Variants in AURKA observed in about 807,000 individuals in gnomAD.
The protein encoded by AURKA is aurora 2.
A neutral mutation model predicts 40.9 loss-of-function variants in AURKA; 12 were observed. The ratio of observed to expected loss-of-function variants is 0.29; its 90% CI spans 0.19 to 0.48. The LOEUF (loss-of-function observed/expected upper bound fraction) is 0.48. Among genes scored for constraint, AURKA ranks in the 20% least tolerant of loss-of-function variants. AURKA has a pLI of 0.99. For missense variants in AURKA, 322 were observed against 462.1 expected (o/e 0.70, Z 2.78); for synonymous variants, 170 against 164.3 (o/e 1.03, Z -0.26).
intron 6 of AURKA, among the ~76,000 whole-genome samples, chr20:56,376,600 A>G (rs1202702717): frequency 6.6e-6 from 1 of 152,190 alleles, no homozygotes; most frequent in Non-Finnish European, 1.5e-5. Flanking sequence ...CTCCACCAAG[A>G]AACAGAAAAA....
chr20:56,385,569 C>A (rs1371510982), intron 3 of AURKA, among the ~76,000 whole-genome samples: 1 of 151,810 alleles, frequency 6.6e-6, no homozygotes, highest in Non-Finnish European at 1.5e-5. Context: ...TCAAGCCATT[C>A]TCCTGCCTCA....
At chr20:56,374,016 T>TACACACACACACACACACAC (rs11467339) in intron 6 of AURKA, among the ~76,000 whole-genome samples, 7 of 147,508 alleles carry the variant, frequency 4.7e-5, no homozygotes, top group African/African-American at 1.5e-4. Context: ...TATAGGAGTC[T>TACACACACACACACACACAC]ACACACACAC....
At chr20:56,382,911 G>C in intron 5 of AURKA, 74 bp downstream of exon 5, 1 of 1,540,768 alleles carries the variant, frequency 6.5e-7, no homozygotes, top group South Asian at 1.1e-5. Context: ...TGGGCAGTGG[G>C]AGGCTGACAT....
intron 1 of AURKA, among the ~76,000 whole-genome samples, chr20:56,391,539 G>C (rs767761018): frequency 3.3e-5 from 5 of 152,192 alleles, no homozygotes; most frequent in Admixed American, 2.0e-4. Flanking sequence ...CTGATTTACC[G>C]GGCTCTCGGT....
At chr20:56,374,121 C>T (rs1984627239) in intron 6 of AURKA, among the ~76,000 whole-genome samples, 1 of 152,042 alleles carries the variant, frequency 6.6e-6, no homozygotes, top group East Asian at 1.9e-4. Flanking sequence ...TCTGCTAATA[C>T]AGCTGGTGTG....
intron 5 of AURKA, 49 bp downstream of exon 5, chr20:56,382,936 G>T: frequency 6.3e-7 from 1 of 1,595,048 alleles, no homozygotes; most frequent in Non-Finnish European, 8.6e-7. Context: ...GGAGGGGGAG[G>T]GGTGCAGCAT....
At position 56,391,583 on chromosome 20, in the gene AURKA, C is replaced by A. The variant is rs1041544760; in HGVS notation, c.-6+585G>T. On this transcript the variant is annotated intron_variant, in intron 1 of 8. Coordinates refer to ENST00000395915, the MANE Select transcript of AURKA (RefSeq NM_198437.3). ...ATGTTTAACAAGCACTGCAAGTTAT[C>A]CCGGTACAACTGCTCCAAGGTCTAC... Among the ~76,000 whole-genome samples, 4 of 152,152 alleles carry A rather than the reference C, an allele frequency of 2.6e-5. No homozygotes were observed. The East Asian group carries it at 7.7e-4, about 29-fold the overall frequency.
At position 56,386,465 on chromosome 20, in the gene AURKA, T is replaced by C; in HGVS notation, c.111A>G (p.Leu37=). The change falls in exon 3 of 9, where the codon TTA becomes TTG. Residue 37 remains leucine (L), a synonymous_variant. Transcript: ENST00000395915. ...GCTGAGCCTGGCCACTATTTACAGG[T>C]AATGGATTCTGACAAGGAAATTGCT... The part of the protein sequence containing the change: ...VTQQFPCQNP[L]PVNSGQAQRV... The C allele has an allele frequency of 6.2e-7, 1 of 1,614,170 alleles. No homozygotes were observed. The highest frequency in any genetic ancestry group is 8.5e-7 in the Non-Finnish European group (1 of 1,180,012).
At chr20:56,376,223 G>C (rs1292646961) in intron 6 of AURKA, among the ~76,000 whole-genome samples, 2 of 151,942 alleles carry the variant, frequency 1.3e-5, no homozygotes, top group Non-Finnish European at 2.9e-5. Context: ...AAAAACCAAG[G>C]GTAAAATGTG....
At chr20:56,383,619 G>T (rs915994532) in intron 4 of AURKA, among the ~76,000 whole-genome samples, 2 of 152,266 alleles carry the variant, frequency 1.3e-5, no homozygotes, top group African/African-American at 4.8e-5. Context: ...AACCACTCTG[G>T]TGGTGGAGAC....
In AURKA at chr20:56,382,945, A is replaced by G. The variant is rs960802070; in HGVS notation, c.566+40T>C. On this transcript the variant is annotated intron_variant, in intron 5 of 8. Coordinates refer to ENST00000395915, the MANE Select transcript of AURKA (RefSeq NM_198437.3). Reference sequence around the variant, plus strand: ...ATTACAGGAGGGGGAGGGGTGCAGCATTGGTGAACATTCTTTTGAACATGA... The same window carrying G: ...ATTACAGGAGGGGGAGGGGTGCAGCGTTGGTGAACATTCTTTTGAACATGA... The G allele has an allele frequency of 5.6e-6, 9 of 1,607,508 alleles. No individual in the cohort carries two copies. In the African/African-American group the frequency reaches 9.4e-5, roughly 17 times the overall value.
chr20:56,382,899 C>T, intron 5 of AURKA, 86 bp downstream of exon 5: 1 of 1,454,654 alleles, frequency 6.9e-7, no homozygotes, highest in Non-Finnish European at 9.6e-7. Flanking sequence ...AGTGAAGGGA[C>T]CTGGGCAGTG....
At chr20:56,372,114 G>T (rs372686088) in intron 7 of AURKA, among the ~76,000 whole-genome samples, 1 of 152,176 alleles carries the variant, frequency 6.6e-6, no homozygotes, top group African/African-American at 2.4e-5. Flanking sequence ...GTGTGGGTTC[G>T]TGTTGCTTTG....
chr20:56,389,037 T>C (rs898570635), intron 1 of AURKA, among the ~76,000 whole-genome samples: 30 of 152,154 alleles, frequency 2.0e-4, no homozygotes, highest in African/African-American at 6.8e-4. Context: ...CAATTCCACC[T>C]TCCCCGTACT....
chr20:56,371,107 T>C (rs1016767549), intron 7 of AURKA, among the ~76,000 whole-genome samples: 2 of 152,178 alleles, frequency 1.3e-5, no homozygotes, highest in Non-Finnish European at 2.9e-5. Flanking sequence ...TGCCTTGTGA[T>C]AGATACTTGG....
chr20:56,389,759 C>T (rs752499306), intron 1 of AURKA, among the ~76,000 whole-genome samples: 7 of 152,156 alleles, frequency 4.6e-5, no homozygotes, highest in African/African-American at 7.2e-5. Flanking sequence ...CATGGCAAAC[C>T]CATCCTGTCA....
chr20:56,387,537 C>T (rs2146209417), intron 2 of AURKA, among the ~76,000 whole-genome samples: 1 of 152,270 alleles, frequency 6.6e-6, no homozygotes, highest in East Asian at 1.9e-4. Context: ...GCTAATCAAA[C>T]TAAAAGGGGT....
At chr20:56,381,369 A>G (rs146220801) in intron 6 of AURKA, 64 bp downstream of exon 6, 1 of 1,588,648 alleles carries the variant, frequency 6.3e-7, no homozygotes. Flanking sequence ...GATGAAAGGT[A>G]CATTGCTATG....
In AURKA at chr20:56,383,766, G is replaced by A. The variant is rs552914670; in HGVS notation, c.374+504C>T. Among the ~76,000 whole-genome samples, 80 of 152,290 alleles carry A rather than the reference G, an allele frequency of 5.3e-4. 1 individual carries two copies. The highest frequency in any genetic ancestry group is 3.4e-3 in the Middle Eastern group (1 of 294). ...TGTGGGTTCATTCCTCGCTCCTCCC[G>A]GTACATTCTAGAGTCCAGATAGTTC... On this transcript the variant is annotated intron_variant, in intron 4 of 8. Coordinates refer to ENST00000395915, the MANE Select transcript of AURKA (RefSeq NM_198437.3).
Sources: allele counts gnomAD v4.1 joint callset (sites outside exome capture counted in the v4.1 genomes callset), GRCh38; gene constraint gnomAD v4.1.1; transcripts MANE v1.5; gene names NCBI Gene and HGNC (gene_info 2026-07-23, HGNC 2026-07-21).